The following RBFOX1 variants were observed in gnomAD, a reference collection of about 807,000 sequenced individuals.
RBFOX1 encodes the protein RNA binding protein fox-1 homolog 1.
A neutral mutation model predicts 57.7 loss-of-function variants in RBFOX1; 8 were observed. That is an observed-to-expected ratio of 0.14 (90% CI 0.08 to 0.25). The LOEUF (loss-of-function observed/expected upper bound fraction) is 0.25, where lower values mean the gene tolerates loss of function less well. Among genes scored for constraint, RBFOX1 ranks in the 10% least tolerant of loss-of-function variants. The pLI is 1.00. For synonymous variants in RBFOX1, 326 were observed against 222.4 expected (o/e 1.47, Z -4.15); for missense variants, 611 against 548.5 (o/e 1.11, Z -1.14).
At chr16:7,708,953 G>T in intron 14 of RBFOX1, 103 bp from the exon 15 acceptor site, 1 of 1,026,030 alleles carries the variant, frequency 9.7e-7, no homozygotes, top group Non-Finnish European at 1.5e-6. Context: ...ACTGGAAGAT[G>T]AGTAGGGCCC....
chr16:7,568,163 G>C (rs2152746218), intron 5 of RBFOX1, among the ~76,000 whole-genome samples: 1 of 152,214 alleles, frequency 6.6e-6, no homozygotes, highest in East Asian at 1.9e-4. Flanking sequence ...GTAAAAATAA[G>C]TTTATTAGAG....
chr16:6,975,658 G>C (rs988925982), intron 3 of RBFOX1, among the ~76,000 whole-genome samples: 4 of 152,198 alleles, frequency 2.6e-5, no homozygotes, highest in Non-Finnish European at 5.9e-5. Context: ...CACATGATCA[G>C]AATTTCAGCC....
intron 4 of RBFOX1, among the ~76,000 whole-genome samples, chr16:5,979,666 A>G (rs1001516499): frequency 6.6e-6 from 1 of 152,164 alleles, no homozygotes; most frequent in African/African-American, 2.4e-5. Flanking sequence ...GATCAAGACC[A>G]TCCTGGTCAA....
intron 2 of RBFOX1, among the ~76,000 whole-genome samples, chr16:5,568,322 T>C (rs2046145319): frequency 6.6e-6 from 1 of 152,198 alleles, no homozygotes; most frequent in Non-Finnish European, 1.5e-5. Context: ...GCTTCACTTA[T>C]AGTCCAAGAC....
At chr16:7,687,717 A>G (rs184224385) in intron 14 of RBFOX1, among the ~76,000 whole-genome samples, 34 of 152,216 alleles carry the variant, frequency 2.2e-4, no homozygotes, top group Non-Finnish European at 4.1e-4. Context: ...ATTACTAATT[A>G]TAACTACTGT....
At chr16:7,146,210 A>G (rs2074945560) in intron 4 of RBFOX1, among the ~76,000 whole-genome samples, 1 of 114,826 alleles carries the variant, frequency 8.7e-6, no homozygotes, top group Admixed American at 1.0e-4. Context: ...CCCATTTCCC[A>G]TGATACTGGG....
At chr16:7,411,611 G>A (rs922928774) in intron 4 of RBFOX1, among the ~76,000 whole-genome samples, 4 of 152,146 alleles carry the variant, frequency 2.6e-5, no homozygotes, top group East Asian at 1.9e-4. Context: ...GATCAAAGAC[G>A]GGGAATGTCA....
At chr16:6,675,139 C>T (rs1192675801) in intron 3 of RBFOX1, among the ~76,000 whole-genome samples, 1 of 151,902 alleles carries the variant, frequency 6.6e-6, no homozygotes, top group Admixed American at 6.6e-5. Flanking sequence ...CTCTTGACCT[C>T]GTGATCCGCC....
chr16:5,498,407 G>T (rs1167966269), intron 2 of RBFOX1, among the ~76,000 whole-genome samples: 1 of 152,194 alleles, frequency 6.6e-6, no homozygotes, highest in Non-Finnish European at 1.5e-5. Flanking sequence ...GCCTCCCAAA[G>T]TGCTGGGATT....
intron 1 of RBFOX1, among the ~76,000 whole-genome samples, chr16:5,302,383 C>T (rs1024016964): frequency 1.3e-5 from 2 of 152,192 alleles, no homozygotes; most frequent in African/African-American, 2.4e-5. Context: ...GAATGGTCCA[C>T]AGGCACTTGA....
intron 1 of RBFOX1, among the ~76,000 whole-genome samples, chr16:5,435,641 C>G (rs1457093200): frequency 2.0e-5 from 3 of 152,134 alleles, no homozygotes; most frequent in Non-Finnish European, 4.4e-5. Flanking sequence ...CACCATAGGT[C>G]CCATGTTTAT....
chr16:7,693,287 G>A (rs1007133312), intron 14 of RBFOX1: 1 of 1,607,002 alleles, frequency 6.2e-7, no homozygotes, highest in South Asian at 1.1e-5. Flanking sequence ...TGAGCGAGCA[G>A]TATTGTGAAT....
At chr16:7,638,819 G>C (rs1227216256) in intron 11 of RBFOX1, among the ~76,000 whole-genome samples, 6 of 152,052 alleles carry the variant, frequency 3.9e-5, no homozygotes, top group African/African-American at 1.4e-4. Context: ...GGCCAGATTG[G>C]GCCCAAGCGC....
chr16:6,531,547 C>G (rs145901792), intron 2 of RBFOX1, among the ~76,000 whole-genome samples: 25 of 152,208 alleles, frequency 1.6e-4, no homozygotes, highest in African/African-American at 3.9e-4. Context: ...ATATCATTGG[C>G]TTTTGGAAAA....
intron 4 of RBFOX1, among the ~76,000 whole-genome samples, chr16:5,940,804 G>GC (rs1470626688): frequency 1.3e-5 from 2 of 152,152 alleles, no homozygotes; most frequent in African/African-American, 2.4e-5. Flanking sequence ...TGGGACTTGG[G>GC]CTGGCAGCTG....
chr16:6,475,136 C>T (rs555995845), intron 2 of RBFOX1, among the ~76,000 whole-genome samples: 4 of 152,228 alleles, frequency 2.6e-5, no homozygotes, highest in African/African-American at 9.6e-5. Flanking sequence ...ACTTGGAGCT[C>T]TCTTTGGGTG....
chr16:7,519,663 T>G, intron 5 of RBFOX1: 1 of 984,668 alleles, frequency 1.0e-6, no homozygotes, highest in Non-Finnish European at 1.2e-6. Flanking sequence ...TGCAGAATTC[T>G]TTAGAAGCTT....
At chr16:7,448,301 T>A (rs1598651483) in intron 4 of RBFOX1, among the ~76,000 whole-genome samples, 1 of 152,388 alleles carries the variant, frequency 6.6e-6, no homozygotes, top group African/African-American at 2.4e-5. Context: ...TAGTTGATTC[T>A]GATGCTGCTA....
intron 3 of RBFOX1, among the ~76,000 whole-genome samples, chr16:6,673,146 G>T (rs1603318306): frequency 6.6e-6 from 1 of 152,194 alleles, no homozygotes; most frequent in African/African-American, 2.4e-5. Context: ...CAGGTGATCA[G>T]TGATGTCTAC....
Sources: allele counts gnomAD v4.1 joint callset (sites outside exome capture counted in the v4.1 genomes callset), GRCh38; gene constraint gnomAD v4.1.1; transcripts MANE v1.5; gene names NCBI Gene and HGNC (gene_info 2026-07-23, HGNC 2026-07-21).